Variants in ANO1 observed in about 807,000 individuals in gnomAD.
The protein encoded by ANO1 is anoctamin 1, also known as anoctamin-1.
Under a neutral mutation model 124.0 loss-of-function variants are expected in ANO1, and 59 were observed. The observed-to-expected ratio is 0.48, with a 90% CI of 0.39 to 0.59. The LOEUF is 0.59. Ranked by LOEUF, ANO1 falls within the 20% of genes least tolerant of loss-of-function variation. The probability of loss-of-function intolerance (pLI) is 0.00; values close to 1 mark genes in which losing one functional copy is unlikely to be tolerated. For synonymous variants in ANO1, 529 were observed against 532.0 expected (o/e 0.99, Z 0.08); for missense variants, 1,059 against 1,328.0 (o/e 0.80, Z 3.15).
At position 70,165,758 on chromosome 11, in the gene ANO1, C is replaced by T. The variant is rs541803376; in HGVS notation, c.2051+188C>T. Among the ~76,000 whole-genome samples, 433 of 152,188 alleles carry T rather than the reference C, an allele frequency of 2.8e-3. 1 individual carries two copies. Among genetic ancestry groups the T allele is most frequent in the African/African-American group, 0.01 (419 of 41,526 alleles). ...ACCCCAGGCCAGGCATGGTGGCTGA[C>T]GCCTGTAATCCCAGCACTTTGGGAA... On this transcript the variant is annotated intron_variant, in intron 20 of 25. Transcript: ENST00000355303.
chr11:69,966,304 G>C, the ANO1 span, among the ~76,000 whole-genome samples: 1 of 152,208 alleles, frequency 6.6e-6, no homozygotes, highest in Non-Finnish European at 1.5e-5. Context: ...GGCGTGGCTG[G>C]AGGAGGCCCT....
At position 70,186,395 on chromosome 11, in the gene ANO1, G is replaced by GAAGGAAGGAAGAAAGA. The variant is rs1251399539; in HGVS notation, c.2694+703_2694+704insGAAGGAAGAAAGAAAG. On this transcript the variant is annotated intron_variant, in intron 25 of 25. Coordinates refer to ENST00000355303, the MANE Select transcript of ANO1 (RefSeq NM_018043.7). ...GGAAGGAAGGAAGGAAGGAAGGAAG[G>GAAGGAAGGAAGAAAGA]AAGAAAGACATGGAGAAAGGGGACC... is the stretch of plus-strand genomic sequence containing the variant. Among the ~76,000 whole-genome samples, 490 of 146,022 alleles carry GAAGGAAGGAAGAAAGA rather than the reference G, an allele frequency of 3.4e-3. 3 individuals are homozygous for GAAGGAAGGAAGAAAGA. The highest frequency in any genetic ancestry group is 0.012 in the African/African-American group (471 of 40,192).
intron 1 of ANO1, among the ~76,000 whole-genome samples, chr11:70,036,023 C>A (rs1857087298): frequency 1.3e-5 from 2 of 152,170 alleles, no homozygotes; most frequent in African/African-American, 4.8e-5. Context: ...TATTTATCAT[C>A]CTTTGGGTAT....
chr11:70,058,690 G>A (rs11232154), intron 1 of ANO1, among the ~76,000 whole-genome samples: 37,349 of 152,134 alleles, frequency 0.25, 5,182 homozygotes, highest in East Asian at 0.63. Context: ...TCAAGGACAG[G>A]CGCTAATTCT....
chr11:69,987,924 G>C (rs1554997061), intron 1 of ANO1, among the ~76,000 whole-genome samples: 2 of 152,202 alleles, frequency 1.3e-5, no homozygotes, highest in Non-Finnish European at 1.5e-5. Flanking sequence ...TCCACTCCCG[G>C]AGAGCAGGCC....
rs1290446602 is a variant in ANO1 at position 70,163,314 on chromosome 11, A to C, written c.1924A>C (p.Ile642Leu). ...FVGRPGDYVYIFRSFRMEECA... is the reference protein window; with the variant it reads ...FVGRPGDYVYLFRSFRMEECA... ...TGGACGCCCGGGCGACTACGTGTACATTTTCCGTTCCTTCCGAATGGAAGA... is the reference window on the plus strand; with the variant it reads ...TGGACGCCCGGGCGACTACGTGTACCTTTTCCGTTCCTTCCGAATGGAAGA... Residue 642 changes from isoleucine (I) to leucine (L), a missense_variant, in exon 19 of 26, where the codon ATT becomes CTT. Ile to Leu is a conservative substitution (Grantham distance 5). Transcript: ENST00000355303. The C allele has an allele frequency of 1.9e-6, 3 of 1,613,876 alleles. No homozygotes were observed. The highest frequency in any genetic ancestry group is 2.5e-6 in the Non-Finnish European group (3 of 1,179,880).
At chr11:70,001,202 AAACCCCAGCTT>A (rs1856376708) in intron 1 of ANO1, among the ~76,000 whole-genome samples, 1 of 152,234 alleles carries the variant, frequency 6.6e-6, no homozygotes, top group Non-Finnish European at 1.5e-5. Flanking sequence ...GTAGTCTGAG[AAACCCCAGCTT>A]GCTGCTTGGT....
intron 1 of ANO1, among the ~76,000 whole-genome samples, chr11:70,069,702 T>C (rs1319566371): frequency 3.3e-5 from 5 of 152,166 alleles, no homozygotes; most frequent in African/African-American, 1.2e-4. Context: ...TGGAAAACGA[T>C]AATCTACGTT....
rs765929864 is a variant in ANO1 at position 70,087,978 on chromosome 11, C to T, written c.335C>T (p.Ser112Leu). The change falls in exon 2 of 26, where the codon TCG becomes TTG. Residue 112 changes from serine (S) to leucine (L), a missense_variant. By Grantham distance (145) the Ser-to-Leu change is moderately radical (BLOSUM62 -2). Transcript: ENST00000355303. ...PGKGASLDAGSGEPPMDYHED... is the reference protein window; with the variant it reads ...PGKGASLDAGLGEPPMDYHED... ...AAGGGGGCGTCGCTGGATGCAGGCT[C>T]GGGGGAGCCCCCGATGGACTACCAC... 4.4e-6 allele frequency: 7 copies of T among 1,582,124 alleles called. No individual in the cohort carries two copies. Among genetic ancestry groups the T allele is most frequent in the South Asian group, 3.5e-5 (3 of 86,568 alleles).
Position 70,161,316 on chromosome 11 carries a change from C to T in ANO1, c.1734C>T (p.Leu578=), listed in dbSNP as rs1208900458. Residue 578 remains leucine, a synonymous_variant, in exon 17 of 26, where the codon CTC becomes CTT. Transcript: ENST00000355303. The stretch of plus-strand genomic sequence containing the variant: ...TCATCAACCTAGTGGTCATCATCCT[C>T]CTGGACGAGGTGTATGGCTGCATAG... ...AVIINLVVII[L]LDEVYGCIAR... is the part of the protein sequence containing the mutation. The T allele has an allele frequency of 1.2e-6, 2 of 1,613,910 alleles. No individual in the cohort carries two copies. The highest frequency in any genetic ancestry group is 1.3e-5 in the African/African-American group (1 of 74,944).
At chr11:70,125,251 G>C (rs142977142) in intron 9 of ANO1, among the ~76,000 whole-genome samples, 1,881 of 152,326 alleles carry the variant, frequency 0.012, 24 homozygotes, top group South Asian at 0.022. Flanking sequence ...GCTGAGGCAG[G>C]AGAATCGCTT....
At chr11:70,133,850 G>A (rs1307420936) in intron 11 of ANO1, among the ~76,000 whole-genome samples, 1 of 152,208 alleles carries the variant, frequency 6.6e-6, no homozygotes, top group African/African-American at 2.4e-5. Context: ...TGAGGGAGGG[G>A]AGGCCTGGCC....
At chr11:70,112,048 A>C (rs4980767) in intron 7 of ANO1, among the ~76,000 whole-genome samples, 21,366 of 152,178 alleles carry the variant, frequency 0.14, 1,625 homozygotes, top group Middle Eastern at 0.18. Context: ...GGGTCCACAG[A>C]ATGTCTTTCC....
chr11:70,128,885 C>G (rs900793686), intron 10 of ANO1, among the ~76,000 whole-genome samples: 9 of 152,206 alleles, frequency 5.9e-5, no homozygotes, highest in Admixed American at 2.6e-4. Context: ...CCTAGGAGAG[C>G]GGTAGGGCTC....
intron 1 of ANO1, among the ~76,000 whole-genome samples, chr11:70,017,093 G>T (rs1327400653): frequency 6.6e-6 from 1 of 152,224 alleles, no homozygotes; most frequent in Non-Finnish European, 1.5e-5. Flanking sequence ...CACAGAGCAG[G>T]GCTCAGCCAA....
At chr11:70,041,640 G>C (rs2135057854) in intron 1 of ANO1, among the ~76,000 whole-genome samples, 1 of 152,126 alleles carries the variant, frequency 6.6e-6, no homozygotes, top group Middle Eastern at 3.4e-3. Context: ...CACAGGGGCA[G>C]ACATTTTTGT....
chr11:70,048,473 G>C (rs575820101), intron 1 of ANO1, among the ~76,000 whole-genome samples: 1 of 152,040 alleles, frequency 6.6e-6, no homozygotes, highest in African/African-American at 2.4e-5. Context: ...TTAGGCAATG[G>C]GGGGGTGGTG....
intron 15 of ANO1, among the ~76,000 whole-genome samples, chr11:70,156,623 C>T (rs917548010): frequency 3.9e-5 from 6 of 152,166 alleles, no homozygotes; most frequent in Admixed American, 6.6e-5. Context: ...GACTCCAAGT[C>T]CAGGTTTCTC....
the ANO1 span, among the ~76,000 whole-genome samples, chr11:69,980,831 A>C: frequency 6.6e-6 from 1 of 152,060 alleles, no homozygotes; most frequent in Non-Finnish European, 1.5e-5. Flanking sequence ...AGGCGGGCAG[A>C]TCACAAGGTC....
Sources: allele counts gnomAD v4.1 joint callset (sites outside exome capture counted in the v4.1 genomes callset), GRCh38; gene constraint gnomAD v4.1.1; transcripts MANE v1.5; gene names NCBI Gene and HGNC (gene_info 2026-07-23, HGNC 2026-07-21).